Variants in PPRC1 observed in about 807,000 individuals in gnomAD.
The protein encoded by PPRC1 is peroxisome proliferator-activated receptor gamma coactivator-related protein 1.
A neutral mutation model predicts 132.5 loss-of-function variants in PPRC1; 23 were observed. The observed-to-expected ratio is 0.17, with a 90% confidence interval of 0.12 to 0.25. The LOEUF is 0.25. Among genes scored for constraint, PPRC1 ranks in the 10% least tolerant of loss-of-function variants. The pLI is 1.00. For missense variants in PPRC1, 2,006 were observed against 2,089.1 expected, an observed-to-expected ratio of 0.96 and a Z score of 0.78; for synonymous variants, 872 against 833.5, an observed-to-expected ratio of 1.05 and a Z score of -0.80.
At chr10:102,121,941 T>C in the PPRC1 span, among the ~76,000 whole-genome samples, 1 of 152,116 alleles carries the variant, frequency 6.6e-6, no homozygotes, top group African/African-American at 2.4e-5. Flanking sequence ...CCTTAGGTTT[T>C]TGCTGAGGGA....
intron 7 of PPRC1, chr10:102,144,731 C>A: frequency 2.0e-6 from 1 of 494,652 alleles, no homozygotes; most frequent in Non-Finnish European, 3.6e-6. Context: ...TTCCCCTCCA[C>A]ATTGATTTCA....
intron 7 of PPRC1, 104 bp downstream of exon 7, chr10:102,144,411 T>A (rs2069129404): frequency 1.8e-6 from 2 of 1,110,200 alleles, no homozygotes; most frequent in Non-Finnish European, 2.6e-6. Flanking sequence ...GACGCTGTAG[T>A]CAGCTCTAGA....
rs773603768 is a variant in PPRC1 at position 102,140,472 on chromosome 10, C to T, written c.1964C>T (p.Pro655Leu). ...GTTCCCATCTCAGATAACTTGCCAC[C>T]AGTTGATGCTGTCCCGTCTGGCCCA... ...AVVPISDNLP[P>L]VDAVPSGPAP... The change falls in exon 5 of 14, where the codon CCA (proline) becomes CTA (leucine). Residue 655 changes from proline (P) to leucine (L), a missense_variant. By Grantham distance (98) the Pro-to-Leu change is moderately conservative (BLOSUM62 -3). This residue lies in a region of PPRC1 where 1,914 missense variants were observed against 1,917.2 expected (regional missense o/e 1.00). Coordinates refer to ENST00000278070, the MANE Select transcript of PPRC1 (RefSeq NM_015062.5). 3.1e-6 allele frequency: 5 copies of T among 1,614,076 alleles called. No homozygotes were observed. Among genetic ancestry groups the T allele is most frequent in the Non-Finnish European group, 4.2e-6 (5 of 1,180,042 alleles).
At chr10:102,132,596 T>A (rs1200163042), upstream of PPRC1, among the ~76,000 whole-genome samples, 2 of 152,234 alleles carry the variant, frequency 1.3e-5, no homozygotes, top group Admixed American at 6.5e-5. Context: ...AATATGGGAT[T>A]AGGTGAGGAT....
Position 102,139,201 on chromosome 10 carries a change from A to G in PPRC1, c.693A>G (p.Arg231=). ...CTAGCTGGAGACCCCCAAGATCAAGACCACGCTGGGGCCAATCCCCACCTC... is the reference window on the plus strand; with the variant it reads ...CTAGCTGGAGACCCCCAAGATCAAGGCCACGCTGGGGCCAATCCCCACCTC... ...KLPSWRPPRS[R]PRWGQSPPPQ... is the part of the protein sequence containing the mutation. The change falls in exon 5 of 14, where the codon AGA becomes AGG. Residue 231 remains arginine, a synonymous_variant. Transcript: ENST00000278070. The G allele has an allele frequency of 6.2e-7, 1 of 1,614,060 alleles. No homozygotes were observed.
At chr10:102,127,043 AT>A in the PPRC1 span, among the ~76,000 whole-genome samples, 123 of 57,688 alleles carry the variant, frequency 2.1e-3, 1 homozygote, top group Non-Finnish European at 5.1e-3. Context: ...ATATATATAT[AT>A]ATATATATAT....
rs371535701 is a variant in PPRC1 at position 102,139,398 on chromosome 10, C to A, written c.890C>A (p.Ala297Asp). Residue 297 changes from alanine (A) to aspartate (D), a missense_variant, in exon 5 of 14, where the codon GCT becomes GAT. Coordinates refer to ENST00000278070, the MANE Select transcript of PPRC1 (RefSeq NM_015062.5). ...ATAAEMAVPA[A>D]GDESISSLSE... The stretch of plus-strand genomic sequence containing the variant: ...GCAGCAGAGATGGCAGTGCCAGCAG[C>A]TGGTGATGAGAGCATCTCCTCCCTG... The A allele has an allele frequency of 1.2e-5, 19 of 1,614,146 alleles. No homozygotes were observed. Among genetic ancestry groups the A allele is most frequent in the Non-Finnish European group, 1.5e-5 (18 of 1,180,062 alleles).
chr10:102,138,120 C>T, intron 2 of PPRC1, 82 bp downstream of exon 2: 1 of 1,422,242 alleles, frequency 7.0e-7, no homozygotes, highest in South Asian at 1.4e-5. Flanking sequence ...CATGGCTCTG[C>T]TCTCCCAGGA....
rs777264848 is a variant in PPRC1 at position 102,140,297 on chromosome 10, G to A, written c.1789G>A (p.Val597Ile). 1.9e-6 allele frequency: 3 copies of A among 1,614,234 alleles called. No individual in the cohort carries two copies. In the Admixed American group the frequency reaches 5.0e-5, roughly 27 times the overall value. Residue 597 changes from valine to isoleucine, a missense_variant, in exon 5 of 14, where the codon GTT becomes ATT. Val to Ile is a conservative substitution (Grantham distance 29). Around this residue, in one of 2 missense-constraint regions of PPRC1, gnomAD observed 1,914 missense variants for 1,917.2 expected, o/e 1.00. Coordinates refer to ENST00000278070, the MANE Select transcript of PPRC1 (RefSeq NM_015062.5). ...CTCTGTTGAAGCTGATCCCACTGCAGTTGGCCCTGTTCTAGCTGGCCCTGT... is the reference window on the plus strand; with the variant it reads ...CTCTGTTGAAGCTGATCCCACTGCAATTGGCCCTGTTCTAGCTGGCCCTGT... The part of the protein sequence containing the change: ...VDSVEADPTA[V>I]GPVLAGPVPV...
At chr10:102,123,005 A>G in the PPRC1 span, among the ~76,000 whole-genome samples, 1 of 152,250 alleles carries the variant, frequency 6.6e-6, no homozygotes, top group Non-Finnish European at 1.5e-5. Context: ...TTCTTCACCT[A>G]CTAGTTAATG....
Position 102,138,780 on chromosome 10 carries a change from A to G in PPRC1, c.489+15A>G, listed in dbSNP as rs2068819383. 1 of 1,613,958 alleles carries G rather than the reference A, an allele frequency of 6.2e-7. No homozygotes were observed. The highest frequency in any genetic ancestry group is 8.5e-7 in the Non-Finnish European group (1 of 1,179,960). ...AGGGCTCCTCTGTGAGTGTGGGACC[A>G]GGGGAAGGGGATTAGTACAAAGTTT... On this transcript the variant is annotated intron_variant, in intron 3 of 13. Transcript: ENST00000278070.
chr10:102,132,957 TC>T (rs2068573294), upstream of PPRC1: 1 of 1,225,222 alleles, frequency 8.2e-7, no homozygotes, highest in Non-Finnish European at 1.0e-6. Flanking sequence ...CGCACGGCTC[TC>T]TGGGATTCGT....
In PPRC1 at chr10:102,146,991, T is replaced by C. The variant is rs1470918223; in HGVS notation, c.3999T>C (p.Pro1333=). 1 of 1,613,930 alleles carries C rather than the reference T, an allele frequency of 6.2e-7. No individual in the cohort carries two copies. Among genetic ancestry groups the C allele is most frequent in the Non-Finnish European group, 8.5e-7 (1 of 1,179,988 alleles). ...GCCATCAGGACATCACCATCAAACC[T>C]GTCTTGTCCTTGGGCCCAGCTGCCC... is the stretch of plus-strand genomic sequence containing the variant. ...VKRHQDITIK[P]VLSLGPAAPP... Residue 1333 remains proline, a synonymous_variant, in exon 9 of 14, where the codon CCT becomes CCC. Transcript: ENST00000278070.
At chr10:102,145,590 C>T (rs1294688210) in intron 8 of PPRC1, among the ~76,000 whole-genome samples, 14 of 146,234 alleles carry the variant, frequency 9.6e-5, no homozygotes, top group Non-Finnish European at 2.1e-4. Flanking sequence ...AAATGTCGGG[C>T]GCGGTGGCCC....
At chr10:102,145,865 T>TA (rs920887402) in intron 8 of PPRC1, among the ~76,000 whole-genome samples, 11 of 151,062 alleles carry the variant, frequency 7.3e-5, no homozygotes, top group African/African-American at 1.2e-4. Flanking sequence ...ACTCTGTCTT[T>TA]AAAAAAAACA....
At position 102,137,843 on chromosome 10, in the gene PPRC1, G is replaced by A. The variant is rs772164040; in HGVS notation, c.154-7G>A. On this transcript the variant is annotated splice_region_variant and splice_polypyrimidine_tract_variant and intron_variant, in intron 1 of 13. Transcript: ENST00000278070. ...TCATACCCTTCTCACCTTCTTCTCT[G>A]CTCCAGGTGCTGCTGCATGAGGAGG... is the stretch of plus-strand genomic sequence containing the variant. 2.5e-6 allele frequency: 4 copies of A among 1,612,826 alleles called. No homozygotes were observed. Among genetic ancestry groups the A allele is most frequent in the Admixed American group, 1.7e-5 (1 of 59,868 alleles).
At chr10:102,128,993 G>C (rs367952307), upstream of PPRC1, among the ~76,000 whole-genome samples, 3 of 131,254 alleles carry the variant, frequency 2.3e-5, no homozygotes, top group South Asian at 2.6e-4. Context: ...GCAGTGGCGC[G>C]ATCTCGGCTC....
At chr10:102,144,838 G>T in intron 7 of PPRC1, 182 bp from the exon 8 acceptor site, 1 of 605,152 alleles carries the variant, frequency 1.7e-6, no homozygotes, top group Non-Finnish European at 2.9e-6. Context: ...GCAGGGCTCA[G>T]TTGAGATCCA....
chr10:102,145,921 G>T (rs1280091765), intron 8 of PPRC1, among the ~76,000 whole-genome samples: 3 of 152,052 alleles, frequency 2.0e-5, no homozygotes, highest in Non-Finnish European at 2.9e-5. Context: ...ATGTGAAGAG[G>T]GACAGTCAGG....
Sources: allele counts gnomAD v4.1 joint callset (sites outside exome capture counted in the v4.1 genomes callset), GRCh38; gene constraint gnomAD v4.1.1; regional missense constraint gnomAD v4.1.1; transcripts MANE v1.5; gene names NCBI Gene and HGNC (gene_info 2026-07-23, HGNC 2026-07-21).